The following DTNA variants were observed in gnomAD, a reference collection of about 807,000 sequenced individuals.
DTNA encodes dystrobrevin alpha.
DTNA carries 43 observed loss-of-function variants against 100.7 expected under a neutral mutation model. The ratio of observed to expected loss-of-function variants is 0.43; its 90% CI spans 0.33 to 0.55. The LOEUF is 0.55. Among genes scored for constraint, DTNA ranks in the 20% least tolerant of loss-of-function variants. The pLI is 0.04. For missense variants in DTNA, 798 were observed against 953.9 expected (o/e 0.84, Z 2.15); for synonymous variants, 349 against 347.9 (o/e 1.00, Z -0.04).
At chr18:34,863,933 T>C (rs201942613) in intron 16 of DTNA, 33 bp from the exon 17 acceptor site, 3 of 1,579,856 alleles carry the variant, frequency 1.9e-6, no homozygotes, top group East Asian at 4.6e-5. Context: ...GAGAGTTGCA[T>C]GCCGCTTCTG....
chr18:34,855,329 A>T (rs2096539588), intron 15 of DTNA, among the ~76,000 whole-genome samples: 1 of 152,202 alleles, frequency 6.6e-6, no homozygotes, highest in Non-Finnish European at 1.5e-5. Flanking sequence ...CAGCTCACTA[A>T]ATATGCAGGT....
chr18:34,723,719 C>G (rs1353762433), intron 1 of DTNA, among the ~76,000 whole-genome samples: 7 of 151,920 alleles, frequency 4.6e-5, no homozygotes, highest in Non-Finnish European at 1.0e-4. Context: ...GCCAGCATGG[C>G]AAAACCCCAT....
chr18:34,772,750 A>G (rs952732122), intron 3 of DTNA, among the ~76,000 whole-genome samples: 1 of 152,246 alleles, frequency 6.6e-6, no homozygotes, highest in African/African-American at 2.4e-5. Flanking sequence ...TTAAAGAAGC[A>G]CACATTTATT....
At chr18:34,665,809 A>G (rs1244359398) in intron 1 of DTNA, among the ~76,000 whole-genome samples, 1 of 152,132 alleles carries the variant, frequency 6.6e-6, no homozygotes, top group African/African-American at 2.4e-5. Flanking sequence ...TATTTTCTTA[A>G]TCCAGTCTAT....
At chr18:34,498,084 C>T (rs1231147618) in intron 1 of DTNA, among the ~76,000 whole-genome samples, 1 of 151,782 alleles carries the variant, frequency 6.6e-6, no homozygotes, top group Admixed American at 6.6e-5. Flanking sequence ...AGTTCGAGAC[C>T]AGCCTGGCCA....
Position 34,668,597 on chromosome 18 carries a change from A to G in DTNA, c.-1-87379A>G, listed in dbSNP as rs140635938. Among the ~76,000 whole-genome samples, 737 of 151,736 alleles carry G rather than the reference A, an allele frequency of 4.9e-3. 3 individuals are homozygous for G. Among genetic ancestry groups the G allele is most frequent in the African/African-American group, 0.017 (704 of 41,408 alleles). On this transcript the variant is annotated intron_variant, in intron 1 of 19. Transcript: ENST00000283365. The stretch of plus-strand genomic sequence containing the variant: ...AATTTCCCTCTACACACTGCTTTAT[A>G]TGTGTTCCAGAGATTCTGGTATGTT...
intron 1 of DTNA, among the ~76,000 whole-genome samples, chr18:34,611,034 T>G (rs2054114445): frequency 6.6e-6 from 1 of 152,208 alleles, no homozygotes; most frequent in African/African-American, 2.4e-5. Context: ...AAACATTAAT[T>G]GCAATTACTT....
chr18:34,818,670 T>A, intron 8 of DTNA: 1 of 1,131,046 alleles, frequency 8.8e-7, no homozygotes, highest in Non-Finnish European at 1.1e-6. Context: ...CTTTTCCAAG[T>A]TTTGTTTTGT....
chr18:34,735,178 A>C (rs932885149), intron 1 of DTNA, among the ~76,000 whole-genome samples: 3 of 152,214 alleles, frequency 2.0e-5, no homozygotes, highest in Non-Finnish European at 2.9e-5. Flanking sequence ...GGAAGCATCC[A>C]GCACAGGAGA....
At chr18:34,801,256 A>G (rs2095199226) in intron 4 of DTNA, among the ~76,000 whole-genome samples, 1 of 152,186 alleles carries the variant, frequency 6.6e-6, no homozygotes, top group Non-Finnish European at 1.5e-5. Context: ...TCTCTTAAAT[A>G]CCTTGTTACA....
intron 1 of DTNA, among the ~76,000 whole-genome samples, chr18:34,617,801 T>C (rs1240730521): frequency 6.6e-6 from 1 of 152,194 alleles, no homozygotes; most frequent in Admixed American, 6.6e-5. Flanking sequence ...TATTGCACAC[T>C]TAAAAGACTA....
chr18:34,530,793 T>C (rs1240935204), intron 1 of DTNA, among the ~76,000 whole-genome samples: 1 of 152,096 alleles, frequency 6.6e-6, no homozygotes, highest in African/African-American at 2.4e-5. Flanking sequence ...TCTGATCCAG[T>C]TCCTACCATT....
At chr18:34,588,358 T>A (rs1051802587) in intron 1 of DTNA, among the ~76,000 whole-genome samples, 1 of 152,060 alleles carries the variant, frequency 6.6e-6, no homozygotes, top group African/African-American at 2.4e-5. Flanking sequence ...AAGTAGCTGC[T>A]CCCCAACCCA....
At chr18:34,867,041 C>T (rs2096713305) in intron 17 of DTNA, 1 of 1,226,804 alleles carries the variant, frequency 8.2e-7, no homozygotes, top group Non-Finnish European at 1.0e-6. Context: ...ATAAAAGCAG[C>T]TTTAATTTCA....
At chr18:34,597,241 A>G (rs2050818293) in intron 1 of DTNA, among the ~76,000 whole-genome samples, 1 of 151,898 alleles carries the variant, frequency 6.6e-6, no homozygotes, top group African/African-American at 2.4e-5. Context: ...TTCCTTGGCA[A>G]TTTCTTTAAC....
At chr18:34,876,876 CTAT>C (rs1352660215) in intron 18 of DTNA, among the ~76,000 whole-genome samples, 1 of 152,062 alleles carries the variant, frequency 6.6e-6, no homozygotes, top group Non-Finnish European at 1.5e-5. Flanking sequence ...AAGAAATGTA[CTAT>C]ATTTTAAATC....
At chr18:34,696,474 G>A (rs747427229) in intron 1 of DTNA, among the ~76,000 whole-genome samples, 1 of 152,114 alleles carries the variant, frequency 6.6e-6, no homozygotes, top group Non-Finnish European at 1.5e-5. Context: ...GCTACTCGGG[G>A]AGCTGAGGCA....
intron 17 of DTNA, among the ~76,000 whole-genome samples, chr18:34,864,369 G>GC (rs916900752): frequency 5.3e-5 from 8 of 150,736 alleles, no homozygotes; most frequent in African/African-American, 1.5e-4. Context: ...TCCTGCCTCA[G>GC]CCCCCCGCCG....
chr18:34,890,126 G>A lies in DTNA; in HGVS notation c.*2392G>A, dbSNP rs1009032007. The A allele has an allele frequency of 4.4e-5, 62 of 1,399,764 alleles. No homozygotes were observed. The highest frequency in any genetic ancestry group is 2.5e-4 in the African/African-American group (17 of 69,084). 86.7% of individuals were successfully genotyped at this position (1,399,764 alleles called of 1,614,324 possible). On this transcript the variant is annotated 3_prime_UTR_variant, in exon 23 of 23. Coordinates refer to ENST00000444659, the MANE Select transcript of DTNA (RefSeq NM_001386795.1). ...TTTGTGTTTCTACATCAAAATGTTC[G>A]TCTAAGATTTGAACTGTTCTGCTGA...
Sources: gnomAD v4.1 joint callset for allele counts (sites outside exome capture counted in the v4.1 genomes callset) on GRCh38, gnomAD v4.1.1 for gene constraint, MANE v1.5 for transcripts, NCBI Gene and HGNC (gene_info 2026-07-23, HGNC 2026-07-21) for gene names.